QRFPR: variants seen among roughly 807,000 people sequenced by gnomAD.
The protein encoded by QRFPR is pyroglutamylated RF-amide peptide receptor.
In QRFPR, 37 loss-of-function variants were observed where a neutral mutation model predicts 31.3. The observed-to-expected ratio is 1.18, with a 90% CI of 0.91 to 1.56. The LOEUF (loss-of-function observed/expected upper bound fraction) is 1.56. QRFPR is among the 40% of genes most tolerant of loss of function. The pLI is 0.00. For missense variants in QRFPR, 542 were observed against 532.5 expected, an observed-to-expected ratio of 1.02 and a Z score of -0.18; for synonymous variants, 197 against 192.0, an observed-to-expected ratio of 1.03 and a Z score of -0.22.
intron 2 of QRFPR, 75 bp downstream of exon 2, chr4:121,340,377 G>C (rs1725519332): frequency 6.6e-7 from 1 of 1,506,360 alleles, no homozygotes; most frequent in Non-Finnish European, 9.2e-7. Context: ...TACTCTTCTA[G>C]TTTAAAAATA....
Position 121,363,508 on chromosome 4 carries a change from C to A in QRFPR, c.340+16800G>T, listed in dbSNP as rs142609827. ...CCATAATTCTAATTATTTTAGGTTC[C>A]CCCAGCCCTTTTCCAATTGAACCAT... is the stretch of plus-strand genomic sequence containing the variant. On this transcript the variant is annotated intron_variant, in intron 1 of 5. Coordinates refer to ENST00000394427, the MANE Select transcript of QRFPR (RefSeq NM_198179.3). 1.3e-5 allele frequency among the ~76,000 whole-genome samples: 2 copies of A among 149,880 alleles called. 1 individual carries two copies. Among genetic ancestry groups the A allele is most frequent in the East Asian group, 4.0e-4 (2 of 5,002 alleles).
intron 1 of QRFPR, among the ~76,000 whole-genome samples, chr4:121,351,155 G>A (rs114647800): frequency 0.01 from 1,595 of 152,304 alleles, 36 homozygotes; most frequent in African/African-American, 0.036. Context: ...TCAGATTTTA[G>A]AATGGGACAG....
At chr4:121,339,980 C>G (rs983128783) in intron 2 of QRFPR, among the ~76,000 whole-genome samples, 5 of 151,662 alleles carry the variant, frequency 3.3e-5, no homozygotes, top group Non-Finnish European at 5.9e-5. Flanking sequence ...TCGACCTGCC[C>G]TTGTTAGCTT....
chr4:121,360,085 G>A (rs962454773), intron 1 of QRFPR, among the ~76,000 whole-genome samples: 1 of 151,974 alleles, frequency 6.6e-6, no homozygotes, highest in African/African-American at 2.4e-5. Context: ...AAAATTTATT[G>A]TGTACAATGA....
rs989174472 is a variant in QRFPR, at chr4:121,329,376, G to C, written c.1234C>G (p.Arg412Gly). The change falls in exon 6 of 6, where the codon CGA (arginine) becomes GGA (glycine). Residue 412 changes from arginine to glycine, a missense_variant. By Grantham distance (125) the Arg-to-Gly change is moderately radical. Coordinates refer to ENST00000394427, the MANE Select transcript of QRFPR (RefSeq NM_198179.3). ...TCAGACCTAAAGAGAGCAAGATGTC[G>C]TTTGAGCTTTTTCTTCTCCTCTGTC... ...EQTEEKKKLK[R>G]HLALFRSELA... 4.3e-6 allele frequency: 7 copies of C among 1,614,040 alleles called. No individual in the cohort carries two copies. Among genetic ancestry groups the C allele is most frequent in the South Asian group, 3.3e-5 (3 of 91,074 alleles).
rs554255354 is a variant in QRFPR, at chr4:121,374,600, A to G, written c.340+5708T>C. ...CTTTGGGAACTTTTGAAAACTCCAT[A>G]CCAATTATAATCAGACCAATTAAAT... On this transcript the variant is annotated intron_variant, in intron 1 of 5. Coordinates refer to ENST00000394427, the MANE Select transcript of QRFPR (RefSeq NM_198179.3). 2.6e-5 allele frequency among the ~76,000 whole-genome samples: 4 copies of G among 152,330 alleles called. No homozygotes were observed. The South Asian group carries it at 6.2e-4, about 24-fold the overall frequency.
chr4:121,380,152 G>C (rs147521387), intron 1 of QRFPR, among the ~76,000 whole-genome samples, 156 bp downstream of exon 1: 2 of 144,476 alleles, frequency 1.4e-5, no homozygotes, highest in African/African-American at 5.1e-5. Context: ...GTGTAAGGAA[G>C]AGACAGACGA....
intron 1 of QRFPR, among the ~76,000 whole-genome samples, chr4:121,365,606 T>TATA (rs1345970250): frequency 0.011 from 73 of 6,562 alleles, 6 homozygotes; most frequent in African/African-American, 0.042. Context: ...ATATATAATA[T>TATA]ATATATTATA....
intron 1 of QRFPR, among the ~76,000 whole-genome samples, chr4:121,348,898 C>T (rs1037601794): frequency 6.6e-6 from 1 of 152,038 alleles, no homozygotes. Context: ...GAGATTGAGA[C>T]CATCCTGGCT....
chr4:121,370,362 A>G (rs997730915), intron 1 of QRFPR: 1 of 747,070 alleles, frequency 1.3e-6, no homozygotes, highest in South Asian at 1.3e-5. Context: ...GCTGAGATCC[A>G]GGTGTTTTTT....
At chr4:121,357,863 G>A (rs766578141) in intron 1 of QRFPR, among the ~76,000 whole-genome samples, 2 of 152,130 alleles carry the variant, frequency 1.3e-5, no homozygotes, top group Non-Finnish European at 2.9e-5. Flanking sequence ...GGCTTCAGGG[G>A]GAGAGGATAT....
chr4:121,379,515 C>CA (rs1726427130), intron 1 of QRFPR, among the ~76,000 whole-genome samples: 1 of 152,202 alleles, frequency 6.6e-6, no homozygotes, highest in Non-Finnish European at 1.5e-5. Flanking sequence ...GGGCATTCTC[C>CA]AGCTGTGTTC....
At chr4:121,336,570 ATTT>A (rs1020537390) in intron 3 of QRFPR, among the ~76,000 whole-genome samples, 5 of 152,242 alleles carry the variant, frequency 3.3e-5, no homozygotes, top group Non-Finnish European at 7.3e-5. Flanking sequence ...TGACCTGTGT[ATTT>A]TTGAAAAATT....
chr4:121,336,868 C>A lies in QRFPR; in HGVS notation c.500G>T (p.Gly167Val), dbSNP rs1279924172. 1 of 1,613,970 alleles carries A rather than the reference C, an allele frequency of 6.2e-7. No individual in the cohort carries two copies. The highest frequency in any genetic ancestry group is 8.5e-7 in the Non-Finnish European group (1 of 1,179,822). The change falls in exon 3 of 6, where the codon GGT (glycine) becomes GTT (valine). Residue 167 changes from glycine to valine, a missense_variant and splice_region_variant. Physicochemically the swap from Gly to Val is moderately radical, Grantham distance 109 (BLOSUM62 -3). Coordinates refer to ENST00000394427, the MANE Select transcript of QRFPR (RefSeq NM_198179.3). The part of the protein sequence containing the change: ...YTNRRAFTML[G>V]VVWLVAVIVG... ...GATGACTGCCACCAGCCAGACCACA[C>A]CTGTAAAAGTGTTAAAGTCATGAGA...
chr4:121,371,493 G>A (rs571470765), intron 1 of QRFPR, among the ~76,000 whole-genome samples: 1 of 152,304 alleles, frequency 6.6e-6, no homozygotes, highest in East Asian at 1.9e-4. Flanking sequence ...TGGCAGCCTG[G>A]AAGTTGGTCC....
chr4:121,331,176 T>G (rs1489677108), intron 4 of QRFPR, among the ~76,000 whole-genome samples: 4 of 15,292 alleles, frequency 2.6e-4, no homozygotes, highest in African/African-American at 6.8e-4. Flanking sequence ...ATATCTTGGG[T>G]TTTTTTTTTT....
intron 1 of QRFPR, among the ~76,000 whole-genome samples, chr4:121,357,260 C>A (rs1293596154): frequency 3.3e-5 from 5 of 152,000 alleles, no homozygotes; most frequent in Non-Finnish European, 5.9e-5. Flanking sequence ...AAGAGAGGAT[C>A]ATTGCCCATA....
At chr4:121,371,099 TCTAA>T (rs1420253101) in intron 1 of QRFPR, among the ~76,000 whole-genome samples, 9 of 152,344 alleles carry the variant, frequency 5.9e-5, no homozygotes, top group East Asian at 1.9e-4. Context: ...TTTCACAGCA[TCTAA>T]CTGTTTCTCT....
chr4:121,347,150 G>A (rs1279339041), intron 1 of QRFPR, among the ~76,000 whole-genome samples: 2 of 152,060 alleles, frequency 1.3e-5, no homozygotes, highest in African/African-American at 4.8e-5. Context: ...ACCTGGGTTT[G>A]GAAATTTCTT....
Sources: allele counts gnomAD v4.1 joint callset (sites outside exome capture counted in the v4.1 genomes callset), GRCh38; gene constraint gnomAD v4.1.1; transcripts MANE v1.5; gene names NCBI Gene and HGNC (gene_info 2026-07-23, HGNC 2026-07-21).